XYLB: variants seen among roughly 807,000 people sequenced by gnomAD.
XYLB encodes the protein xylulose kinase.
A neutral mutation model predicts 78.7 loss-of-function variants in XYLB; 62 were observed. The observed-to-expected ratio is 0.79, with a 90% confidence interval of 0.64 to 0.97. The LOEUF (loss-of-function observed/expected upper bound fraction) is 0.97, where lower values mean the gene tolerates loss of function less well. XYLB is among the 50% of genes least tolerant of loss of function. The pLI is 0.00. For synonymous variants in XYLB, 245 were observed against 247.4 expected, an observed-to-expected ratio of 0.99 and a Z score of 0.09; for missense variants, 687 against 676.8, an observed-to-expected ratio of 1.02 and a Z score of -0.17.
At chr3:38,433,325 G>C in the XYLB span, among the ~76,000 whole-genome samples, 5 of 152,336 alleles carry the variant, frequency 3.3e-5, no homozygotes, top group African/African-American at 1.2e-4. Flanking sequence ...CTGTGATGGG[G>C]AGGGCTGCCC....
chr3:38,398,039 C>T lies in XYLB; in HGVS notation c.1438+880C>T, dbSNP rs565527718. On this transcript the variant is annotated intron_variant, in intron 17 of 18. Transcript: ENST00000207870. The stretch of plus-strand genomic sequence containing the variant: ...TTCACTGTGTTAGCCAGGATGGTCT[C>T]GATCTCCTGACTTTGTGATCTGCCC... Among the ~76,000 whole-genome samples the T allele has an allele frequency of 4.0e-5, 6 of 151,442 alleles. No homozygotes were observed. In the South Asian group the frequency reaches 6.2e-4, roughly 16 times the overall value.
At chr3:38,428,331 C>T in the XYLB span, among the ~76,000 whole-genome samples, 1 of 152,100 alleles carries the variant, frequency 6.6e-6, no homozygotes, top group Non-Finnish European at 1.5e-5. Context: ...ACAATAAGGT[C>T]GAATTAGATT....
At chr3:38,404,750 C>G (rs774415642) in intron 18 of XYLB, among the ~76,000 whole-genome samples, 4 of 152,294 alleles carry the variant, frequency 2.6e-5, no homozygotes, top group African/African-American at 4.8e-5. Context: ...CACTTGAAAC[C>G]AGGAGGTGGA....
At chr3:38,368,993 G>T (rs531648124) in intron 8 of XYLB, among the ~76,000 whole-genome samples, 2 of 152,326 alleles carry the variant, frequency 1.3e-5, no homozygotes, top group African/African-American at 4.8e-5. Context: ...AGGAGGGAAA[G>T]CTGGGAGGAG....
chr3:38,370,484 G>T (rs1041116431), intron 9 of XYLB, among the ~76,000 whole-genome samples: 1 of 152,190 alleles, frequency 6.6e-6, no homozygotes, highest in Non-Finnish European at 1.5e-5. Context: ...AAGAAAAAGT[G>T]CACAGAGTGC....
intron 18 of XYLB, among the ~76,000 whole-genome samples, chr3:38,406,935 T>C (rs1708347622): frequency 6.6e-6 from 1 of 151,388 alleles, no homozygotes; most frequent in African/African-American, 2.4e-5. Flanking sequence ...ACGGGGAGAA[T>C]GGAACCAAGT....
chr3:38,386,347 A>G (rs1218040772), intron 15 of XYLB, among the ~76,000 whole-genome samples: 1 of 152,154 alleles, frequency 6.6e-6, no homozygotes, highest in Non-Finnish European at 1.5e-5. Flanking sequence ...AAGAAGAAAA[A>G]AGAAAGGTAG....
At chr3:38,425,694 C>T (rs1379959979), downstream of XYLB, among the ~76,000 whole-genome samples, 1 of 152,140 alleles carries the variant, frequency 6.6e-6, no homozygotes, top group Non-Finnish European at 1.5e-5. Flanking sequence ...AGGCCAAAAC[C>T]AGCGGCCAAT....
intron 9 of XYLB, among the ~76,000 whole-genome samples, chr3:38,372,217 C>T (rs146242040): frequency 3.7e-4 from 56 of 152,162 alleles, no homozygotes; most frequent in African/African-American, 1.3e-3. Flanking sequence ...TGCACGTTCA[C>T]GTCCAATTAT....
downstream of XYLB, among the ~76,000 whole-genome samples, chr3:38,416,723 C>A (rs1186049665): frequency 6.6e-6 from 1 of 152,096 alleles, no homozygotes; most frequent in Non-Finnish European, 1.5e-5. Context: ...ATAGACAAGA[C>A]AATGAAGGAT....
intron 2 of XYLB, among the ~76,000 whole-genome samples, chr3:38,353,942 TATC>T (rs1705506366): frequency 1.3e-5 from 2 of 151,898 alleles, no homozygotes; most frequent in Non-Finnish European, 1.5e-5. Context: ...ATGTGAGGCT[TATC>T]ATGTGCTACT....
At chr3:38,402,141 A>G (rs1387076701) in intron 18 of XYLB, among the ~76,000 whole-genome samples, 1 of 152,158 alleles carries the variant, frequency 6.6e-6, no homozygotes, top group Non-Finnish European at 1.5e-5. Flanking sequence ...GGCACATAAT[A>G]GTCTGTGATA....
chr3:38,393,717 G>A (rs1305868484), intron 15 of XYLB, among the ~76,000 whole-genome samples: 1 of 152,070 alleles, frequency 6.6e-6, no homozygotes. Flanking sequence ...TCTCCACATG[G>A]TCTCCTCCTG....
At chr3:38,441,401 C>T in the XYLB span, among the ~76,000 whole-genome samples, 1 of 152,212 alleles carries the variant, frequency 6.6e-6, no homozygotes, top group Non-Finnish European at 1.5e-5. Context: ...CCCTTTGTAT[C>T]TTATTAGCCA....
intron 9 of XYLB, chr3:38,370,429 A>C: frequency 2.6e-6 from 1 of 381,748 alleles, no homozygotes; most frequent in Admixed American, 4.3e-5. Context: ...TTCCACTAGA[A>C]ATTTATTAGA....
the XYLB span, among the ~76,000 whole-genome samples, chr3:38,442,256 C>A: frequency 6.6e-6 from 1 of 152,108 alleles, no homozygotes; most frequent in Admixed American, 6.5e-5. Context: ...ATGCTTTGTA[C>A]CCTTGATTAG....
Position 38,374,348 on chromosome 3 carries a change from G to A in XYLB, c.848-114G>A, listed in dbSNP as rs1014285842. On this transcript the variant is annotated intron_variant, in intron 10 of 18. Coordinates refer to ENST00000207870, the MANE Select transcript of XYLB (RefSeq NM_005108.4). ...TCCCCTGCTCCTGCCTCCACCCTAG[G>A]GTGTGGGTGGGGGTTGGAGGTGGGG... The A allele has an allele frequency of 2.1e-6, 3 of 1,449,084 alleles. No homozygotes were observed. The African/African-American group carries it at 4.2e-5, about 20-fold the overall frequency. The allele number at this position is 1,449,084 out of a possible 1,614,324, so 89.8% of individuals were successfully genotyped here.
chr3:38,422,285 T>C (rs923372888), downstream of XYLB, among the ~76,000 whole-genome samples: 3 of 152,156 alleles, frequency 2.0e-5, no homozygotes, highest in Admixed American at 2.0e-4. Flanking sequence ...TTCTGTTCCC[T>C]GGAAAGCAGA....
intron 2 of XYLB, among the ~76,000 whole-genome samples, chr3:38,353,068 TC>T (rs1705454525): frequency 6.6e-6 from 1 of 152,114 alleles, no homozygotes; most frequent in Non-Finnish European, 1.5e-5. Flanking sequence ...GATATTTATG[TC>T]ATTGAATTTC....
Sources: gnomAD v4.1 joint callset for allele counts (sites outside exome capture counted in the v4.1 genomes callset) on GRCh38, gnomAD v4.1.1 for gene constraint, MANE v1.5 for transcripts, NCBI Gene and HGNC (gene_info 2026-07-23, HGNC 2026-07-21) for gene names.